IQCJ: variants seen among roughly 807,000 people sequenced by gnomAD.
IQCJ encodes the protein IQ motif containing J, also known as IQ domain-containing protein J.
In IQCJ, 9 loss-of-function variants were observed where a neutral mutation model predicts 11.0. That is an observed-to-expected ratio of 0.82 (90% CI 0.49 to 1.43). IQCJ has a LOEUF of 1.43. Among genes scored for constraint, IQCJ ranks in the 40% most tolerant of loss-of-function variants. The probability of loss-of-function intolerance (pLI) is 0.00; values close to 1 mark genes in which losing one functional copy is unlikely to be tolerated. For missense variants in IQCJ, 146 were observed against 133.2 expected, an observed-to-expected ratio of 1.10 and a Z score of -0.47; for synonymous variants, 55 against 51.3, an observed-to-expected ratio of 1.07 and a Z score of -0.31.
intron 1 of IQCJ, among the ~76,000 whole-genome samples, chr3:159,198,815 T>G (rs1724146432): frequency 6.6e-6 from 1 of 152,190 alleles, no homozygotes; most frequent in Admixed American, 6.5e-5. Flanking sequence ...AGCCAACTGC[T>G]TCTGAATTTA....
chr3:159,263,898 G>A (rs1158150670), downstream of IQCJ, among the ~76,000 whole-genome samples: 1 of 152,148 alleles, frequency 6.6e-6, no homozygotes, highest in East Asian at 1.9e-4. Context: ...TAGGGGAATG[G>A]CTTATCCTAA....
At chr3:159,087,518 G>A (rs1401413743) in intron 1 of IQCJ, among the ~76,000 whole-genome samples, 1 of 151,968 alleles carries the variant, frequency 6.6e-6, no homozygotes, top group Non-Finnish European at 1.5e-5. Flanking sequence ...TGTACCTCTG[G>A]TAAAATTCAG....
intron 1 of IQCJ, among the ~76,000 whole-genome samples, chr3:159,091,650 ACACACACACACACACACACGCATG>A (rs1717296705): frequency 3.1e-5 from 1 of 32,676 alleles, no homozygotes; most frequent in African/African-American, 1.1e-4. Context: ...GGGTATTTAC[ACACACACACACACACACACGCATG>A]CACACACACA....
At chr3:159,103,805 C>T (rs1252025871) in intron 1 of IQCJ, among the ~76,000 whole-genome samples, 2 of 152,244 alleles carry the variant, frequency 1.3e-5, no homozygotes, top group Non-Finnish European at 2.9e-5. Context: ...TGCCCAGCAA[C>T]TGCTGAAGCT....
intron 1 of IQCJ, among the ~76,000 whole-genome samples, chr3:159,095,277 G>C (rs1279400365): frequency 6.6e-6 from 1 of 151,708 alleles, no homozygotes; most frequent in Non-Finnish European, 1.5e-5. Context: ...TATAGACAGT[G>C]TTCTTATTCC....
intron 1 of IQCJ, among the ~76,000 whole-genome samples, chr3:159,196,592 C>T (rs1723995720): frequency 6.6e-6 from 1 of 152,194 alleles, no homozygotes; most frequent in Admixed American, 6.5e-5. Context: ...TGCCTCACAG[C>T]TGGGCTCTGC....
chr3:159,203,830 C>A (rs1206744281), intron 1 of IQCJ, among the ~76,000 whole-genome samples: 1 of 151,984 alleles, frequency 6.6e-6, no homozygotes, highest in Non-Finnish European at 1.5e-5. Context: ...GGTCTGAGTC[C>A]CCAGATGGGA....
intron 1 of IQCJ, among the ~76,000 whole-genome samples, chr3:159,091,003 G>A (rs950324290): frequency 6.6e-6 from 1 of 151,744 alleles, no homozygotes; most frequent in Non-Finnish European, 1.5e-5. Flanking sequence ...CTAAATTATA[G>A]TGGAAAGCAT....
At chr3:159,173,724 CT>C (rs1382675798) in intron 1 of IQCJ, among the ~76,000 whole-genome samples, 1 of 152,182 alleles carries the variant, frequency 6.6e-6, no homozygotes, top group African/African-American at 2.4e-5. Flanking sequence ...TATGGATAAT[CT>C]TTTCTTTCCT....
intron 1 of IQCJ, among the ~76,000 whole-genome samples, chr3:159,230,393 A>G (rs1346087102): frequency 6.6e-6 from 1 of 152,188 alleles, no homozygotes; most frequent in Non-Finnish European, 1.5e-5. Context: ...ATGAATATCT[A>G]TTGGATATTC....
In IQCJ at chr3:159,069,407, C is replaced by T; in HGVS notation, c.-26C>T. The T allele has an allele frequency of 6.2e-7, 1 of 1,607,002 alleles. No individual in the cohort carries two copies. Among genetic ancestry groups the T allele is most frequent in the Non-Finnish European group, 8.5e-7 (1 of 1,177,280 alleles). Reference sequence around the variant, plus strand: ...CAGCATCCGATCCAGTCTCCTTTCACCTGCAGGTGTTCCAGAAACTTCAAA... The same window carrying T: ...CAGCATCCGATCCAGTCTCCTTTCATCTGCAGGTGTTCCAGAAACTTCAAA... On this transcript the variant is annotated 5_prime_UTR_variant, in exon 1 of 4. Coordinates refer to ENST00000397832, the MANE Select transcript of IQCJ (RefSeq NM_001042706.3).
intron 1 of IQCJ, among the ~76,000 whole-genome samples, chr3:159,090,964 T>TC (rs1717234529): frequency 6.6e-6 from 1 of 151,902 alleles, no homozygotes; most frequent in Admixed American, 6.5e-5. Context: ...GTATTATAAT[T>TC]CCTGCAGATG....
chr3:159,250,745 C>T (rs902445944), intron 2 of IQCJ, among the ~76,000 whole-genome samples: 1 of 152,180 alleles, frequency 6.6e-6, no homozygotes, highest in East Asian at 1.9e-4. Context: ...CTGGTCTCGT[C>T]CTTGACATGT....
intron 1 of IQCJ, among the ~76,000 whole-genome samples, chr3:159,082,768 G>T (rs1030034056): frequency 1.3e-5 from 2 of 152,016 alleles, no homozygotes; most frequent in African/African-American, 4.8e-5. Context: ...GATGAGATGT[G>T]GCTTTAAGAA....
Position 159,247,390 on chromosome 3 carries a change from G to A in IQCJ, c.74+1483G>A, listed in dbSNP as rs140479212. The stretch of plus-strand genomic sequence containing the variant: ...GATTACAGGTGTGAGCCACCGCGCC[G>A]GTCTATTTACTCAGGGTTCTATGTG... On this transcript the variant is annotated intron_variant, in intron 2 of 3. Coordinates refer to ENST00000397832, the MANE Select transcript of IQCJ (RefSeq NM_001042706.3). Among the ~76,000 whole-genome samples the A allele has an allele frequency of 9.8e-3, 1,489 of 152,154 alleles. 15 individuals carry two copies. Among genetic ancestry groups the A allele is most frequent in the African/African-American group, 0.014 (592 of 41,502 alleles).
intron 1 of IQCJ, among the ~76,000 whole-genome samples, chr3:159,091,285 T>C (rs769779201): frequency 1.3e-5 from 2 of 151,822 alleles, no homozygotes; most frequent in Non-Finnish European, 2.9e-5. Flanking sequence ...ACAAAAATTA[T>C]TTCTCTTGGT....
intron 1 of IQCJ, among the ~76,000 whole-genome samples, chr3:159,135,390 A>G (rs1441903565): frequency 6.6e-6 from 1 of 152,192 alleles, no homozygotes; most frequent in African/African-American, 2.4e-5. Context: ...AGTAAGAAAT[A>G]CTGGACTGTG....
chr3:159,203,864 G>T (rs2108073525), intron 1 of IQCJ, among the ~76,000 whole-genome samples: 1 of 152,332 alleles, frequency 6.6e-6, no homozygotes, highest in African/African-American at 2.4e-5. Context: ...TTGTGTGTAT[G>T]TCAAGAGCAG....
chr3:159,264,491 T>A (rs2108242305), downstream of IQCJ, among the ~76,000 whole-genome samples: 1 of 152,300 alleles, frequency 6.6e-6, no homozygotes, highest in African/African-American at 2.4e-5. Context: ...TCCCAGAAAT[T>A]TGTTCTCCCA....
Sources: allele counts gnomAD v4.1 joint callset (sites outside exome capture counted in the v4.1 genomes callset), GRCh38; gene constraint gnomAD v4.1.1; transcripts MANE v1.5; gene names NCBI Gene and HGNC (gene_info 2026-07-23, HGNC 2026-07-21).